MYBPC1: variants seen among roughly 807,000 people sequenced by gnomAD.
The protein encoded by MYBPC1 is myosin-binding protein C, slow-type.
A neutral mutation model predicts 147.1 loss-of-function variants in MYBPC1; 52 were observed. The observed-to-expected ratio is 0.35, with a 90% CI of 0.28 to 0.45. MYBPC1 has a LOEUF of 0.45. Ranked by LOEUF, MYBPC1 falls within the 20% of genes least tolerant of loss-of-function variation. The pLI is 1.00. For missense variants in MYBPC1, 1,228 were observed against 1,440.3 expected (o/e 0.85, Z 2.39); for synonymous variants, 477 against 475.9 (o/e 1.00, Z -0.03).
chr12:101,677,583 A>AT (rs1287757315), intron 27 of MYBPC1, among the ~76,000 whole-genome samples, 189 bp downstream of exon 27: 1 of 152,154 alleles, frequency 6.6e-6, no homozygotes, highest in African/African-American at 2.4e-5. Flanking sequence ...TTATTATTGC[A>AT]TTTTTTACAA....
chr12:101,662,654 A>G, intron 21 of MYBPC1, 108 bp downstream of exon 21: 4 of 1,252,562 alleles, frequency 3.2e-6, no homozygotes, highest in Non-Finnish European at 3.4e-6. Flanking sequence ...TTAGAGTTGT[A>G]GGTGGGCAGG....
intron 1 of MYBPC1, among the ~76,000 whole-genome samples, chr12:101,608,010 G>A (rs1882898208): frequency 6.6e-6 from 1 of 152,322 alleles, no homozygotes; most frequent in South Asian, 2.1e-4. Flanking sequence ...ATATGGGGCT[G>A]TCTATTTCAT....
chr12:101,609,885 G>T (rs1430596001), intron 1 of MYBPC1, among the ~76,000 whole-genome samples: 3 of 152,156 alleles, frequency 2.0e-5, no homozygotes, highest in Non-Finnish European at 4.4e-5. Flanking sequence ...CCTGCCTATG[G>T]TCCCTATTCA....
intron 18 of MYBPC1, among the ~76,000 whole-genome samples, chr12:101,656,653 A>T (rs1895594796): frequency 6.6e-6 from 1 of 152,180 alleles, no homozygotes; most frequent in Non-Finnish European, 1.5e-5. Flanking sequence ...AAGCCTAATA[A>T]TCCTTAACAT....
intron 5 of MYBPC1, among the ~76,000 whole-genome samples, chr12:101,628,405 T>C (rs1159161883): frequency 6.6e-6 from 1 of 152,224 alleles, no homozygotes; most frequent in Non-Finnish European, 1.5e-5. Context: ...TTTAAAAATA[T>C]GTAATCACAT....
chr12:101,681,245 C>A (rs2136891951), intron 29 of MYBPC1, among the ~76,000 whole-genome samples: 1 of 151,966 alleles, frequency 6.6e-6, no homozygotes, highest in African/African-American at 2.4e-5. Context: ...TGATATTTTT[C>A]TTTACAAGCA....
At position 101,649,367 on chromosome 12, in the gene MYBPC1, C is replaced by T. The variant is rs770140839; in HGVS notation, c.1304C>T (p.Ala435Val). The T allele has an allele frequency of 6.2e-7, 1 of 1,613,926 alleles. No homozygotes were observed. Among genetic ancestry groups the T allele is most frequent in the South Asian group, 1.1e-5 (1 of 91,076 alleles). ...LIIEGATKAD[A>V]AEYSVMTTGG... Reference sequence around the variant, plus strand: ...ATAGAGGGAGCAACAAAGGCTGATGCTGCAGAATATTCAGTAATGACAACA... The same window carrying T: ...ATAGAGGGAGCAACAAAGGCTGATGTTGCAGAATATTCAGTAATGACAACA... The change falls in exon 15 of 32, where the codon GCT becomes GTT. Residue 435 changes from alanine (A) to valine (V), a missense_variant. Ala to Val is a moderately conservative substitution (Grantham distance 64). Around this residue, in one of 2 missense-constraint regions of MYBPC1, gnomAD observed 1,077 missense variants for 1,314.2 expected, o/e 0.82. Coordinates refer to ENST00000361466, the MANE Select transcript of MYBPC1 (RefSeq NM_002465.4).
intron 1 of MYBPC1, among the ~76,000 whole-genome samples, chr12:101,607,452 C>T (rs995991310): frequency 1.3e-5 from 2 of 152,096 alleles, no homozygotes; most frequent in Non-Finnish European, 2.9e-5. Flanking sequence ...TAGAATTTTA[C>T]TTTGAGAATA....
chr12:101,640,217 G>C (rs1237583435), intron 10 of MYBPC1, among the ~76,000 whole-genome samples: 2 of 152,014 alleles, frequency 1.3e-5, no homozygotes, highest in Non-Finnish European at 2.9e-5. Context: ...TCACCATGTT[G>C]CCCAGGCTGG....
intron 10 of MYBPC1, among the ~76,000 whole-genome samples, chr12:101,637,508 T>A (rs1891237100): frequency 1.3e-5 from 2 of 152,132 alleles, no homozygotes; most frequent in Admixed American, 1.3e-4. Context: ...TTTACTATAG[T>A]GCAGAAGCAA....
chr12:101,608,094 T>C (rs1000336946), intron 1 of MYBPC1, among the ~76,000 whole-genome samples: 1 of 152,204 alleles, frequency 6.6e-6, no homozygotes, highest in African/African-American at 2.4e-5. Context: ...GGCATACCTG[T>C]GCTTTTTACA....
chr12:101,681,584 ATATATATATTTTTTTTTTTTTTTTT>A (rs1787861943), intron 29 of MYBPC1, among the ~76,000 whole-genome samples: 1 of 26,612 alleles, frequency 3.8e-5, no homozygotes, highest in Non-Finnish European at 6.3e-5. Flanking sequence ...ATATATATAT[ATATATATATTTTTTTTTTTTTTTTT>A]TTTTTTTTTT....
intron 1 of MYBPC1, among the ~76,000 whole-genome samples, chr12:101,612,486 G>A (rs184986766): frequency 2.8e-4 from 43 of 152,306 alleles, no homozygotes; most frequent in African/African-American, 9.6e-4. Context: ...TAAGAGAAGG[G>A]AGAGAAAGAA....
At position 101,663,524 on chromosome 12, in the gene MYBPC1, T is replaced by C. The variant is rs201984898; in HGVS notation, c.2320T>C (p.Leu774=). The C allele has an allele frequency of 5.6e-4, 909 of 1,613,880 alleles. 1 individual carries two copies. The highest frequency in any genetic ancestry group is 9.9e-4 in the Middle Eastern group (6 of 6,082). ...CCCAGACCACATTGGTGCAGCAGGT[T>C]TAGATGGCTATGTGCTAGAGTATTG... ...RPPDHIGAAG[L]DGYVLEYCFE... Residue 774 remains leucine (L), a synonymous_variant, in exon 22 of 32, where the codon TTA becomes CTA. Coordinates refer to ENST00000361466, the MANE Select transcript of MYBPC1 (RefSeq NM_002465.4).
At chr12:101,686,321 G>A (rs1951346142), downstream of MYBPC1, among the ~76,000 whole-genome samples, 1 of 152,188 alleles carries the variant, frequency 6.6e-6, no homozygotes, top group Non-Finnish European at 1.5e-5. Context: ...GAGCCAGCAT[G>A]CCCCTGAACC....
At chr12:101,658,036 CAGG>C (rs1160976056) in intron 18 of MYBPC1, among the ~76,000 whole-genome samples, 2 of 150,424 alleles carry the variant, frequency 1.3e-5, no homozygotes, top group Non-Finnish European at 2.9e-5. Context: ...GAGGCTGAGG[CAGG>C]AGAATGGCGT....
At chr12:101,631,371 C>A (rs1215535646) in intron 6 of MYBPC1, among the ~76,000 whole-genome samples, 200 bp from the exon 7 acceptor site, 2 of 152,080 alleles carry the variant, frequency 1.3e-5, no homozygotes, top group Admixed American at 6.5e-5. Flanking sequence ...GCTTCATAAA[C>A]CCCCACAGCA....
Position 101,675,437 on chromosome 12 carries a change from G to T in MYBPC1, c.2949+6G>T. 6.2e-7 allele frequency: 1 copy of T among 1,614,110 alleles called. No homozygotes were observed. Among genetic ancestry groups the T allele is most frequent in the East Asian group, 2.2e-5 (1 of 44,884 alleles). On this transcript the variant is annotated splice_donor_region_variant and intron_variant, in intron 26 of 31. Transcript: ENST00000361466. ...AGGCTGACAAGAAGAGCATGGTAAG[G>T]TCTGGCTTTCTCTGGTTCATCAGTA...
chr12:101,626,109 AAAAT>A (rs1388732222), intron 3 of MYBPC1, among the ~76,000 whole-genome samples: 4 of 151,156 alleles, frequency 2.6e-5, no homozygotes, highest in East Asian at 3.9e-4. Context: ...AAAAAAAAAA[AAAAT>A]TTATCCTTCT....
Sources: allele counts gnomAD v4.1 joint callset (sites outside exome capture counted in the v4.1 genomes callset), GRCh38; gene constraint gnomAD v4.1.1; regional missense constraint gnomAD v4.1.1; transcripts MANE v1.5; gene names NCBI Gene and HGNC (gene_info 2026-07-23, HGNC 2026-07-21).